Variants in ADPRHL1 observed in about 807,000 individuals in gnomAD.
ADPRHL1 encodes the protein ADP-ribosylhydrolase like 1.
A neutral mutation model predicts 44.1 loss-of-function variants in ADPRHL1; 43 were observed. The ratio of observed to expected loss-of-function variants is 0.98; its 90% CI spans 0.76 to 1.26. The LOEUF is 1.26. Ranked by LOEUF, ADPRHL1 falls within the 50% of genes most tolerant of loss-of-function variation. The pLI is 0.00. For missense variants in ADPRHL1, 2,022 were observed against 2,496.9 expected, an observed-to-expected ratio of 0.81 and a Z score of 4.05; for synonymous variants, 878 against 1,017.4, an observed-to-expected ratio of 0.86 and a Z score of 2.61.
chr13:113,424,665 CCATTCACCATCCAT>C (rs2043950724), intron 5 of ADPRHL1, among the ~76,000 whole-genome samples: 1 of 150,746 alleles, frequency 6.6e-6, no homozygotes, highest in Non-Finnish European at 1.5e-5. Context: ...ACCCACCCAT[CCATTCACCATCCAT>C]TCATCTATCC....
intron 3 of ADPRHL1, among the ~76,000 whole-genome samples, chr13:113,430,643 T>C (rs188114788): frequency 1.2e-4 from 18 of 151,950 alleles, no homozygotes; most frequent in Non-Finnish European, 1.9e-4. Context: ...ACAGGACCAG[T>C]AGCAGCAGCC....
intron 6 of ADPRHL1, 108 bp from the exon 7 acceptor site, chr13:113,423,087 G>C (rs928415929): frequency 1.3e-6 from 2 of 1,493,122 alleles, no homozygotes; most frequent in African/African-American, 1.4e-5. Flanking sequence ...TTCTGCTGGG[G>C]GCAGCTGATA....
chr13:113,417,536 TTGTC>T (rs1346475493), intron 7 of ADPRHL1, among the ~76,000 whole-genome samples: 2 of 152,096 alleles, frequency 1.3e-5, no homozygotes, highest in African/African-American at 4.8e-5. Context: ...GTCCCTGCCT[TTGTC>T]TGTCTGTCCC....
chr13:113,431,918 TG>T (rs1186724073), intron 3 of ADPRHL1, among the ~76,000 whole-genome samples: 7 of 152,186 alleles, frequency 4.6e-5, no homozygotes, highest in Admixed American at 3.9e-4. Context: ...GGTTTCACCA[TG>T]GGGGCCAGGC....
chr13:113,451,683 C>T (rs1424729630), intron 1 of ADPRHL1, among the ~76,000 whole-genome samples: 2 of 152,114 alleles, frequency 1.3e-5, no homozygotes, highest in African/African-American at 4.8e-5. Context: ...TGGTGGGCAC[C>T]TGTAGCCCCA....
chr13:113,439,251 T>C (rs778713031), intron 2 of ADPRHL1, among the ~76,000 whole-genome samples: 5 of 152,102 alleles, frequency 3.3e-5, no homozygotes, highest in Non-Finnish European at 5.9e-5. Flanking sequence ...GCCTCCTGAA[T>C]AGCTGGGACT....
intron 2 of ADPRHL1, among the ~76,000 whole-genome samples, chr13:113,443,446 GA>G (rs112291276): frequency 0.12 from 15,489 of 130,228 alleles, 2,577 homozygotes; most frequent in African/African-American, 0.38. Context: ...CTTCTCTACA[GA>G]AAAAAAAAAA....
Position 113,403,841 on chromosome 13 carries a change from G to C in ADPRHL1, c.5441C>G (p.Ala1814Gly). The change falls in exon 8 of 8, where the codon GCG becomes GGG. Residue 1814 changes from alanine (A) to glycine (G), a missense_variant. Coordinates refer to ENST00000612156, the MANE Select transcript of ADPRHL1 (RefSeq NM_001394807.1). ...AATGGGCTGCTCCCAGGCCCGAGGC[G>C]CCATCCCACTTGTCAAGGCCTGTTC... is the stretch of plus-strand genomic sequence containing the variant. ...GREQALTSGMAPRAWEQPISG... is the reference protein window; with the variant it reads ...GREQALTSGMGPRAWEQPISG... 1 of 1,140,566 alleles carries C rather than the reference G, an allele frequency of 8.8e-7. No individual in the cohort carries two copies. Among genetic ancestry groups the C allele is most frequent in the Non-Finnish European group, 1.1e-6 (1 of 933,216 alleles). The allele number at this position is 1,140,566 out of a possible 1,614,324, so 70.7% of individuals were successfully genotyped here.
intron 2 of ADPRHL1, among the ~76,000 whole-genome samples, chr13:113,434,079 T>C (rs1007574094): frequency 6.6e-6 from 1 of 152,222 alleles, no homozygotes; most frequent in Non-Finnish European, 1.5e-5. Context: ...GTGTCGGGTG[T>C]TAGTCACTAA....
At chr13:113,434,713 C>T (rs558820861) in intron 2 of ADPRHL1, among the ~76,000 whole-genome samples, 14 of 120,926 alleles carry the variant, frequency 1.2e-4, no homozygotes, top group South Asian at 3.1e-4. Flanking sequence ...AGGTGTACCC[C>T]GGGACCCGGC....
In ADPRHL1 at chr13:113,409,138, G is replaced by A. The variant is rs988064928; in HGVS notation, c.1062-918C>T. Among the ~76,000 whole-genome samples, 2 of 152,182 alleles carry A rather than the reference G, an allele frequency of 1.3e-5. No homozygotes were observed. The highest frequency in any genetic ancestry group is 2.1e-4 in the South Asian group (1 of 4,832). On this transcript the variant is annotated intron_variant, in intron 7 of 7. Transcript: ENST00000612156. The surrounding 1 kb of genome is among the most constrained non-coding windows in gnomAD (Gnocchi z 4.2). The stretch of plus-strand genomic sequence containing the variant: ...CCTTCCCACCAGCCCAGCTTTCAAA[G>A]AGACGGGACCAAATGGGTCTTGGCT...
At chr13:113,422,792 C>A in intron 7 of ADPRHL1, 34 bp downstream of exon 7, 1 of 1,611,780 alleles carries the variant, frequency 6.2e-7, no homozygotes, top group Non-Finnish European at 8.5e-7. Flanking sequence ...GTGGAATCGG[C>A]TCTCTAGGGG....
intron 4 of ADPRHL1, among the ~76,000 whole-genome samples, chr13:113,426,960 G>A (rs1432293113): frequency 6.6e-6 from 1 of 152,222 alleles, no homozygotes; most frequent in African/African-American, 2.4e-5. Context: ...GGGACTTAAC[G>A]ATCTCTGGAT....
At chr13:113,444,938 T>G (rs562306227) in intron 1 of ADPRHL1, among the ~76,000 whole-genome samples, 36 of 152,294 alleles carry the variant, frequency 2.4e-4, no homozygotes, top group Non-Finnish European at 4.4e-4. Flanking sequence ...GTGCCCCTTT[T>G]CTAATGGTTC....
At chr13:113,420,405 C>G (rs146235451) in intron 7 of ADPRHL1, among the ~76,000 whole-genome samples, 1 of 149,464 alleles carries the variant, frequency 6.7e-6, no homozygotes, top group Non-Finnish European at 1.5e-5. Context: ...AATGCAGCCG[C>G]GCCCTGCTCA....
intron 1 of ADPRHL1, among the ~76,000 whole-genome samples, chr13:113,444,991 T>G (rs377428822): frequency 6.6e-6 from 1 of 152,206 alleles, no homozygotes; most frequent in Admixed American, 6.5e-5. Context: ...GCCTACTCTA[T>G]GGGCTTGTGA....
chr13:113,420,772 C>T (rs1344090573), intron 7 of ADPRHL1, among the ~76,000 whole-genome samples: 1 of 152,010 alleles, frequency 6.6e-6, no homozygotes, highest in Non-Finnish European at 1.5e-5. Context: ...TCAGCATGGA[C>T]TACACTTCCC....
At chr13:113,410,321 C>T (rs578159353) in intron 7 of ADPRHL1, among the ~76,000 whole-genome samples, 4 of 152,278 alleles carry the variant, frequency 2.6e-5, no homozygotes, top group African/African-American at 7.2e-5. Context: ...ATTTTGGGGC[C>T]GCACCACCAA....
intron 1 of ADPRHL1, among the ~76,000 whole-genome samples, chr13:113,445,698 A>C (rs550823183): frequency 6.6e-6 from 1 of 152,210 alleles, no homozygotes; most frequent in African/African-American, 2.4e-5. Context: ...TTGGAAGCAA[A>C]AGACCTTCCT....
Sources: gnomAD v4.1 joint callset for allele counts (sites outside exome capture counted in the v4.1 genomes callset) on GRCh38, gnomAD v4.1.1 for gene constraint, Gnocchi (gnomAD v3.1) non-coding constraint, MANE v1.5 for transcripts, NCBI Gene and HGNC (gene_info 2026-07-23, HGNC 2026-07-21) for gene names.